Variants in CCDC93 observed in about 807,000 individuals in gnomAD.
CCDC93 encodes CCC complex scaffolding subunit CCDC93, also known as coiled-coil domain-containing protein 93.
In CCDC93, 61 loss-of-function variants were observed where a neutral mutation model predicts 108.2. The ratio of observed to expected loss-of-function variants is 0.56; its 90% CI spans 0.46 to 0.70. CCDC93 has a LOEUF of 0.70. CCDC93 is among the 30% of genes least tolerant of loss of function. The pLI is 0.00. For synonymous variants in CCDC93, 276 were observed against 260.4 expected (o/e 1.06, Z -0.58); for missense variants, 685 against 764.2 (o/e 0.90, Z 1.22).
intron 3 of CCDC93, among the ~76,000 whole-genome samples, chr2:118,005,963 AG>A (rs1676855199): frequency 6.6e-6 from 1 of 152,198 alleles, no homozygotes; most frequent in East Asian, 1.9e-4. Context: ...GGCCAACAGT[AG>A]GAAAACAAAG....
chr2:117,952,469 T>G (rs774165875), intron 12 of CCDC93, 34 bp from the exon 13 acceptor site: 1 of 1,456,454 alleles, frequency 6.9e-7, no homozygotes, highest in African/African-American at 1.4e-5. Flanking sequence ...TATGCTCTCA[T>G]TTGATCCTTA....
intron 23 of CCDC93, among the ~76,000 whole-genome samples, chr2:117,928,123 A>G (rs1403443016): frequency 1.3e-5 from 2 of 152,238 alleles, no homozygotes; most frequent in Admixed American, 1.3e-4. Flanking sequence ...AGACGGATTA[A>G]AGACTTAAAT....
chr2:117,981,591 A>G (rs969682284), intron 7 of CCDC93, among the ~76,000 whole-genome samples: 1 of 152,214 alleles, frequency 6.6e-6, no homozygotes, highest in African/African-American at 2.4e-5. Context: ...TCTTTAAATC[A>G]AGGATGTACA....
At chr2:117,934,144 T>G (rs1678445241) in intron 22 of CCDC93, 1 of 152,188 alleles carries the variant, frequency 6.6e-6, no homozygotes, top group Non-Finnish European at 1.5e-5. Context: ...GTTTTTTCCT[T>G]TGGCCTCCAC....
At chr2:117,980,613 G>A (rs1306471419) in intron 7 of CCDC93, among the ~76,000 whole-genome samples, 1 of 152,184 alleles carries the variant, frequency 6.6e-6, no homozygotes, top group East Asian at 1.9e-4. Flanking sequence ...TATCCCTCAT[G>A]AGTAATCCGC....
At chr2:117,972,061 C>T (rs1477881676) in intron 11 of CCDC93, among the ~76,000 whole-genome samples, 2 of 152,144 alleles carry the variant, frequency 1.3e-5, no homozygotes, top group Admixed American at 6.5e-5. Context: ...GTCGGCTGTA[C>T]GGAACCCACA....
intron 7 of CCDC93, among the ~76,000 whole-genome samples, chr2:117,982,314 T>C (rs905653572): frequency 6.6e-6 from 1 of 152,090 alleles, no homozygotes; most frequent in African/African-American, 2.4e-5. Flanking sequence ...GGTGCTTAAG[T>C]TAGCCTCTCA....
chr2:118,000,850 C>T lies in CCDC93; in HGVS notation c.334G>A (p.Asp112Asn), dbSNP rs763147634. Residue 112 changes from aspartate to asparagine, a missense_variant, in exon 4 of 24, where the codon GAT becomes AAT. Physicochemically the swap from Asp to Asn is conservative, Grantham distance 23. Transcript: ENST00000376300. ...ACAACAGGAAATATGTGAATAAAAT[C>T]CATCCCCTGGATCTGGTGGGGCTCC... ...QLEPHQIQGMDFIHIFPVVQW... is the reference protein window; with the variant it reads ...QLEPHQIQGMNFIHIFPVVQW... 6.2e-5 allele frequency: 100 copies of T among 1,613,204 alleles called. No individual in the cohort carries two copies. Among genetic ancestry groups the T allele is most frequent in the Non-Finnish European group, 8.2e-5 (97 of 1,179,356 alleles).
At chr2:117,931,426 G>C in intron 22 of CCDC93, 1 of 324,964 alleles carries the variant, frequency 3.1e-6, no homozygotes, top group Non-Finnish European at 5.7e-6. Flanking sequence ...TCTCAACTAG[G>C]AGCTATTTTG....
intron 1 of CCDC93, among the ~76,000 whole-genome samples, chr2:118,009,842 C>A (rs1020777904): frequency 1.3e-5 from 2 of 152,088 alleles, no homozygotes; most frequent in African/African-American, 4.8e-5. Flanking sequence ...GTGATTATTG[C>A]CACATAATAG....
intron 7 of CCDC93, among the ~76,000 whole-genome samples, chr2:117,980,825 ACT>A (rs1680096318): frequency 1.3e-5 from 2 of 152,016 alleles, no homozygotes; most frequent in Admixed American, 6.6e-5. Context: ...TCAAAAAGAA[ACT>A]CTGTTACTAT....
At chr2:117,974,103 T>C (rs1573503332) in intron 10 of CCDC93, 109 bp from the exon 11 acceptor site, 1 of 771,890 alleles carries the variant, frequency 1.3e-6, no homozygotes, top group East Asian at 2.7e-5. Flanking sequence ...TAAAACATAA[T>C]ATTCCCAGGG....
At chr2:117,967,907 A>G (rs1679639341) in intron 11 of CCDC93, among the ~76,000 whole-genome samples, 1 of 152,212 alleles carries the variant, frequency 6.6e-6, no homozygotes, top group Non-Finnish European at 1.5e-5. Context: ...AAGGCAGCCT[A>G]TACGAATTAA....
chr2:117,968,908 G>T (rs1261351823), intron 11 of CCDC93, among the ~76,000 whole-genome samples: 1 of 152,090 alleles, frequency 6.6e-6, no homozygotes, highest in Non-Finnish European at 1.5e-5. Flanking sequence ...ATATTACTGA[G>T]ACCCTGAAGG....
intron 7 of CCDC93, among the ~76,000 whole-genome samples, chr2:117,982,047 G>T (rs905603015): frequency 6.6e-6 from 1 of 152,130 alleles, no homozygotes; most frequent in Non-Finnish European, 1.5e-5. Context: ...CATCATAGGA[G>T]ACACAAACAG....
Position 117,975,296 on chromosome 2 carries a change from T to A in CCDC93, c.658-16A>T, listed in dbSNP as rs1357893474. On this transcript the variant is annotated splice_polypyrimidine_tract_variant and intron_variant, in intron 8 of 23. Coordinates refer to ENST00000376300, the MANE Select transcript of CCDC93 (RefSeq NM_019044.5). ...TGTCCTCAGCCTGCAAGGGAAGATG[T>A]GAAAACAGCTGAGCACGGGAGATGG... The A allele has an allele frequency of 6.3e-7, 1 of 1,578,844 alleles. No homozygotes were observed. Among genetic ancestry groups the A allele is most frequent in the Non-Finnish European group, 8.7e-7 (1 of 1,150,850 alleles).
intron 7 of CCDC93, among the ~76,000 whole-genome samples, chr2:117,983,388 GT>G (rs972868395): frequency 1.7e-3 from 252 of 152,246 alleles, no homozygotes; most frequent in African/African-American, 5.5e-3. Flanking sequence ...ATTTTCTCCT[GT>G]TAATCTGCCT....
At chr2:117,973,366 C>T (rs1010706239) in intron 11 of CCDC93, among the ~76,000 whole-genome samples, 3 of 150,172 alleles carry the variant, frequency 2.0e-5, no homozygotes, top group Non-Finnish European at 4.4e-5. Flanking sequence ...AATGATTAAT[C>T]ACCGTCTCCC....
At chr2:117,958,213 G>C (rs1679278576) in intron 12 of CCDC93, 152 bp downstream of exon 12, 1 of 587,752 alleles carries the variant, frequency 1.7e-6, no homozygotes. Flanking sequence ...TAAACAAATG[G>C]ATGTGTTATG....
Sources: allele counts gnomAD v4.1 joint callset (sites outside exome capture counted in the v4.1 genomes callset), GRCh38; gene constraint gnomAD v4.1.1; transcripts MANE v1.5; gene names NCBI Gene and HGNC (gene_info 2026-07-23, HGNC 2026-07-21).